Variants in PPP3CA observed in about 807,000 individuals in gnomAD.
The protein encoded by PPP3CA is protein phosphatase 3 catalytic subunit alpha.
PPP3CA carries 14 observed loss-of-function variants against 66.5 expected under a neutral mutation model. The observed-to-expected ratio is 0.21, with a 90% CI of 0.14 to 0.33. The LOEUF (loss-of-function observed/expected upper bound fraction) is 0.33, where lower values mean the gene tolerates loss of function less well. Ranked by LOEUF, PPP3CA falls within the 10% of genes least tolerant of loss-of-function variation. The pLI is 1.00. For missense variants in PPP3CA, 317 were observed against 639.5 expected, an observed-to-expected ratio of 0.50 and a Z score of 5.44; for synonymous variants, 232 against 226.2, an observed-to-expected ratio of 1.03 and a Z score of -0.23.
chr4:101,277,333 T>C (rs1297408872), intron 1 of PPP3CA, among the ~76,000 whole-genome samples: 2 of 152,178 alleles, frequency 1.3e-5, no homozygotes, highest in Non-Finnish European at 2.9e-5. Flanking sequence ...ATTTGGAAAT[T>C]AAAAATAAAG....
intron 1 of PPP3CA, among the ~76,000 whole-genome samples, chr4:101,300,047 A>T (rs1728327887): frequency 2.6e-5 from 4 of 152,240 alleles, no homozygotes; most frequent in Admixed American, 2.6e-4. Flanking sequence ...CCAGAAACAT[A>T]GTCTACTAAG....
intron 2 of PPP3CA, among the ~76,000 whole-genome samples, chr4:101,124,698 AAAGAAAG>A (rs1233991013): frequency 9.9e-6 from 1 of 101,484 alleles, no homozygotes; most frequent in Non-Finnish European, 1.9e-5. Flanking sequence ...AGAAAGAAAG[AAAGAAAG>A]AAAGAAAGAA....
chr4:101,117,378 A>C (rs1026304075), intron 2 of PPP3CA, among the ~76,000 whole-genome samples: 3 of 151,842 alleles, frequency 2.0e-5, no homozygotes, highest in African/African-American at 7.2e-5. Context: ...CAATCAATAA[A>C]AAGTAAATTA....
chr4:101,290,383 A>G (rs996547404), intron 1 of PPP3CA, among the ~76,000 whole-genome samples: 12 of 152,094 alleles, frequency 7.9e-5, no homozygotes, highest in Non-Finnish European at 1.3e-4. Flanking sequence ...CACCCTTCAC[A>G]TTTGCTTTCC....
intron 1 of PPP3CA, among the ~76,000 whole-genome samples, chr4:101,309,653 T>C (rs1728658912): frequency 6.6e-6 from 1 of 152,202 alleles, no homozygotes; most frequent in Non-Finnish European, 1.5e-5. Context: ...ATCTGCCATG[T>C]AGGGCCCTGT....
intron 2 of PPP3CA, among the ~76,000 whole-genome samples, chr4:101,122,539 AAAG>A (rs1176833539): frequency 6.6e-6 from 1 of 152,220 alleles, no homozygotes; most frequent in African/African-American, 2.4e-5. Context: ...AAATTAAGGA[AAAG>A]AAGGTTGGCT....
At chr4:101,126,729 A>G (rs1378422115) in intron 2 of PPP3CA, among the ~76,000 whole-genome samples, 9 of 152,352 alleles carry the variant, frequency 5.9e-5, no homozygotes, top group African/African-American at 2.2e-4. Flanking sequence ...TACACAAAGC[A>G]AACTTAGTTA....
At chr4:101,221,666 C>A (rs1382764438) in intron 1 of PPP3CA, among the ~76,000 whole-genome samples, 1 of 151,526 alleles carries the variant, frequency 6.6e-6, no homozygotes, top group Non-Finnish European at 1.5e-5. Context: ...AAGTCCAACA[C>A]CAGCAATGGG....
chr4:101,050,191 T>G (rs1727948153), intron 10 of PPP3CA, among the ~76,000 whole-genome samples: 1 of 151,998 alleles, frequency 6.6e-6, no homozygotes, highest in Non-Finnish European at 1.5e-5. Flanking sequence ...TAGTTGAAAA[T>G]GTGTTGGTTT....
Position 101,188,539 on chromosome 4 carries a change from C to T in PPP3CA, c.259+7377G>A, listed in dbSNP as rs1014326256. On this transcript the variant is annotated intron_variant, in intron 2 of 13. Coordinates refer to ENST00000394854, the MANE Select transcript of PPP3CA (RefSeq NM_000944.5). The stretch of plus-strand genomic sequence containing the variant: ...AAATATTATTTTCATATGATGAACG[C>T]GATCTAAAAATGTAACTTCTTAAGA... 8.5e-5 allele frequency among the ~76,000 whole-genome samples: 13 copies of T among 152,080 alleles called. 1 individual carries two copies. The highest frequency in any genetic ancestry group is 5.9e-4 in the Admixed American group (9 of 15,260).
chr4:101,033,293 AACAC>A (rs70961772), intron 11 of PPP3CA, among the ~76,000 whole-genome samples: 6,779 of 139,186 alleles, frequency 0.049, 302 homozygotes, highest in African/African-American at 0.13. Flanking sequence ...CACACACACA[AACAC>A]ACACACACAC....
chr4:101,104,292 T>A (rs948416078), intron 3 of PPP3CA, among the ~76,000 whole-genome samples: 33 of 152,166 alleles, frequency 2.2e-4, no homozygotes, highest in African/African-American at 8.0e-4. Flanking sequence ...AAAACTGAGC[T>A]CTTATTTTAG....
intron 3 of PPP3CA, among the ~76,000 whole-genome samples, chr4:101,101,719 C>A (rs1730451218): frequency 6.6e-6 from 1 of 151,998 alleles, no homozygotes; most frequent in South Asian, 2.1e-4. Flanking sequence ...TTACACAAAT[C>A]CCATGAAACC....
At chr4:101,267,314 T>C (rs1338410597) in intron 1 of PPP3CA, among the ~76,000 whole-genome samples, 1 of 152,160 alleles carries the variant, frequency 6.6e-6, no homozygotes, top group Non-Finnish European at 1.5e-5. Context: ...ATGTAACACA[T>C]AATAGGTATG....
At chr4:101,172,641 T>G (rs1165536077) in intron 2 of PPP3CA, among the ~76,000 whole-genome samples, 1 of 152,090 alleles carries the variant, frequency 6.6e-6, no homozygotes, top group African/African-American at 2.4e-5. Flanking sequence ...TGGTCCCTTC[T>G]CTAATGAGTC....
chr4:101,280,617 C>G (rs1446569447), intron 1 of PPP3CA, among the ~76,000 whole-genome samples: 1 of 151,934 alleles, frequency 6.6e-6, no homozygotes, highest in Non-Finnish European at 1.5e-5. Flanking sequence ...GTCAGGAGTT[C>G]GAGACCGGCC....
intron 8 of PPP3CA, among the ~76,000 whole-genome samples, chr4:101,070,822 G>C (rs1012000992): frequency 2.0e-5 from 3 of 152,104 alleles, no homozygotes; most frequent in Non-Finnish European, 4.4e-5. Context: ...ATTGATCTTT[G>C]TATGTAGCTC....
rs536170298 is a variant in PPP3CA at position 101,283,660 on chromosome 4, G to C, written c.58+63079C>G. Among the ~76,000 whole-genome samples, 4 of 152,260 alleles carry C rather than the reference G, an allele frequency of 2.6e-5. No homozygotes were observed. In the South Asian group the frequency reaches 6.2e-4, roughly 24 times the overall value. On this transcript the variant is annotated intron_variant, in intron 1 of 13. Transcript: ENST00000394854. ...GAACTGTCAGCACTCTGGCAGGTAC[G>C]CAATCATTCTGCAACCCAACCTACA... is the stretch of plus-strand genomic sequence containing the variant.
intron 1 of PPP3CA, among the ~76,000 whole-genome samples, chr4:101,334,593 T>G (rs146868663): frequency 7.1e-4 from 108 of 152,296 alleles, no homozygotes; most frequent in African/African-American, 2.4e-3. Context: ...GTTTTAAATA[T>G]CAGTTACTTC....
Sources: allele counts gnomAD v4.1 joint callset (sites outside exome capture counted in the v4.1 genomes callset), GRCh38; gene constraint gnomAD v4.1.1; transcripts MANE v1.5; gene names NCBI Gene and HGNC (gene_info 2026-07-23, HGNC 2026-07-21).